CCDC150: variants seen among roughly 807,000 people sequenced by gnomAD.
The protein encoded by CCDC150 is coiled-coil domain containing 150, also known as coiled-coil domain-containing protein 150.
A neutral mutation model predicts 156.5 loss-of-function variants in CCDC150; 151 were observed. That is an observed-to-expected ratio of 0.97 (90% CI 0.85 to 1.10). The LOEUF (loss-of-function observed/expected upper bound fraction) is 1.10. Ranked by LOEUF, CCDC150 falls within the 50% of genes least tolerant of loss-of-function variation. The pLI is 0.00. For synonymous variants in CCDC150, 452 were observed against 429.4 expected (o/e 1.05, Z -0.65); for missense variants, 1,312 against 1,268.1 (o/e 1.03, Z -0.53).
intron 2 of CCDC150, among the ~76,000 whole-genome samples, chr2:196,647,251 C>T (rs928577706): frequency 1.3e-5 from 2 of 151,954 alleles, no homozygotes; most frequent in Admixed American, 6.6e-5. Context: ...TAAAAATTTT[C>T]TAAAAACATG....
intron 14 of CCDC150, among the ~76,000 whole-genome samples, chr2:196,696,265 T>G (rs1392837330): frequency 6.6e-6 from 1 of 152,178 alleles, no homozygotes; most frequent in Non-Finnish European, 1.5e-5. Context: ...TAACATTTAT[T>G]GAATTCTTAG....
chr2:196,670,275 ATT>A (rs1437361630), intron 8 of CCDC150, among the ~76,000 whole-genome samples: 1 of 152,154 alleles, frequency 6.6e-6, no homozygotes, highest in African/African-American at 2.4e-5. Context: ...TTTTGCCATA[ATT>A]TTTAAAATTA....
chr2:196,699,846 T>C (rs1426796576), intron 14 of CCDC150, among the ~76,000 whole-genome samples: 1 of 152,178 alleles, frequency 6.6e-6, no homozygotes, highest in African/African-American at 2.4e-5. Flanking sequence ...AGAAAATATC[T>C]TGAACAGAGG....
intron 22 of CCDC150, chr2:196,727,676 T>G (rs1195361543): frequency 1.3e-5 from 2 of 151,964 alleles, no homozygotes; most frequent in Non-Finnish European, 2.9e-5. Context: ...AACATAAAGG[T>G]GTGCTAAATG....
intron 18 of CCDC150, 89 bp from the exon 19 acceptor site, chr2:196,719,408 C>T (rs1178918979): frequency 9.5e-7 from 1 of 1,057,896 alleles, no homozygotes; most frequent in African/African-American, 1.6e-5. Flanking sequence ...GTCTGCTTTC[C>T]ATGCTCTTTC....
At chr2:196,729,048 A>G in intron 22 of CCDC150, 145 bp from the exon 23 acceptor site, 4 of 720,846 alleles carry the variant, frequency 5.5e-6, no homozygotes, top group South Asian at 2.1e-5. Context: ...TGCTCCATAA[A>G]TCTGCTTAAT....
At chr2:196,687,731 G>A (rs920947700) in intron 13 of CCDC150, among the ~76,000 whole-genome samples, 8 of 152,058 alleles carry the variant, frequency 5.3e-5, no homozygotes. Flanking sequence ...TATAGTTCTG[G>A]GTTTTATATT....
intron 25 of CCDC150, among the ~76,000 whole-genome samples, chr2:196,730,487 A>G (rs1326265349): frequency 6.6e-6 from 1 of 152,210 alleles, no homozygotes; most frequent in East Asian, 1.9e-4. Flanking sequence ...ACTCTTAGGT[A>G]TTCCTAAATG....
At chr2:196,692,894 T>C (rs1695581192) in intron 13 of CCDC150, among the ~76,000 whole-genome samples, 1 of 152,204 alleles carries the variant, frequency 6.6e-6, no homozygotes, top group Non-Finnish European at 1.5e-5. Context: ...TGTGTCTCCA[T>C]GATCTAATAT....
intron 13 of CCDC150, among the ~76,000 whole-genome samples, chr2:196,683,863 C>G (rs553180325): frequency 6.6e-6 from 1 of 152,014 alleles, no homozygotes; most frequent in East Asian, 1.9e-4. Flanking sequence ...CTCTCTCTGA[C>G]TGCTAATTTT....
At chr2:196,664,664 C>A (rs1693738525) in intron 5 of CCDC150, among the ~76,000 whole-genome samples, 1 of 152,152 alleles carries the variant, frequency 6.6e-6, no homozygotes, top group South Asian at 2.1e-4. Flanking sequence ...TACCTTTCAG[C>A]CCTTCTCCCC....
rs138410566 is a variant in CCDC150, at chr2:196,718,557, C to T, written c.1921C>T (p.Arg641Cys). Residue 641 changes from arginine to cysteine, a missense_variant, in exon 18 of 28, where the codon CGT (arginine) becomes TGT (cysteine). Physicochemically the swap from Arg to Cys is radical, Grantham distance 180. Transcript: ENST00000389175. ...KEELSRTVKCRNAALKESQKL... is the reference protein window; with the variant it reads ...KEELSRTVKCCNAALKESQKL... ...GGAGCTGTCCCGAACAGTGAAGTGT[C>T]GTAATGCGGCCCTGAAAGAGAGTCA... 5.6e-6 allele frequency: 9 copies of T among 1,613,624 alleles called. No homozygotes were observed. The East Asian group carries it at 6.7e-5, about 12-fold the overall frequency.
intron 1 of CCDC150, among the ~76,000 whole-genome samples, chr2:196,643,301 C>G (rs1345373543): frequency 6.6e-6 from 1 of 152,140 alleles, no homozygotes; most frequent in African/African-American, 2.4e-5. Context: ...TTGGTTGCTC[C>G]TTTTTGAAAG....
intron 14 of CCDC150, among the ~76,000 whole-genome samples, chr2:196,695,753 G>T (rs1575863418): frequency 6.6e-6 from 1 of 150,960 alleles, no homozygotes; most frequent in East Asian, 1.9e-4. Context: ...GGAGCTTGCA[G>T]TGAGCCAAGA....
intron 23 of CCDC150, 180 bp from the exon 24 acceptor site, chr2:196,729,613 C>T (rs1698416298): frequency 7.6e-6 from 5 of 658,212 alleles, no homozygotes; most frequent in East Asian, 2.7e-5. Context: ...CTGTCCCTTC[C>T]GTGTTGATTG....
rs769966629 is a variant in CCDC150 at position 196,676,682 on chromosome 2, T to C, written c.1391T>C (p.Met464Thr). The C allele has an allele frequency of 3.7e-6, 6 of 1,613,710 alleles. No homozygotes were observed. Among genetic ancestry groups the C allele is most frequent in the Non-Finnish European group, 5.1e-6 (6 of 1,179,778 alleles). ...ARLRGELEAS[M>T]QEKKSLLEEK... ...TTGCGAGGTGAATTGGAAGCATCAA[T>C]GCAAGAGAAGAAGTCTCTGCTAGAG... Residue 464 changes from methionine to threonine, a missense_variant, in exon 12 of 28, where the codon ATG becomes ACG. Transcript: ENST00000389175.
At chr2:196,699,696 T>G (rs1427883759) in intron 14 of CCDC150, among the ~76,000 whole-genome samples, 1 of 152,176 alleles carries the variant, frequency 6.6e-6, no homozygotes, top group African/African-American at 2.4e-5. Flanking sequence ...ATTTTTTAAT[T>G]TTTTGTAGAG....
intron 2 of CCDC150, among the ~76,000 whole-genome samples, chr2:196,655,460 G>A (rs1002360312): frequency 6.6e-6 from 1 of 152,162 alleles, no homozygotes; most frequent in South Asian, 2.1e-4. Flanking sequence ...TAGGGGAGAA[G>A]TCTTGGCAAG....
At chr2:196,725,385 T>C (rs865862837) in intron 21 of CCDC150, among the ~76,000 whole-genome samples, 19 of 152,306 alleles carry the variant, frequency 1.2e-4, no homozygotes, top group Middle Eastern at 3.4e-3. Context: ...CACACACATT[T>C]TGCATATTAT....
Sources: allele counts gnomAD v4.1 joint callset (sites outside exome capture counted in the v4.1 genomes callset), GRCh38; gene constraint gnomAD v4.1.1; transcripts MANE v1.5; gene names NCBI Gene and HGNC (gene_info 2026-07-23, HGNC 2026-07-21).